The following MCPH1 variants were observed in gnomAD, a reference collection of about 807,000 sequenced individuals.
MCPH1 encodes microcephalin.
MCPH1 carries 104 observed loss-of-function variants against 84.5 expected under a neutral mutation model. The observed-to-expected ratio is 1.23, with a 90% CI of 1.05 to 1.45. MCPH1 has a LOEUF of 1.45. Ranked by LOEUF, MCPH1 falls within the 40% of genes most tolerant of loss-of-function variation. MCPH1 has a pLI of 0.00. For synonymous variants in MCPH1, 514 were observed against 366.8 expected (o/e 1.40, Z -4.58); for missense variants, 1,498 against 1,005.7 (o/e 1.49, Z -6.62).
chr8:6,639,270 C>G (rs1797770364), intron 13 of MCPH1, among the ~76,000 whole-genome samples: 1 of 152,258 alleles, frequency 6.6e-6, no homozygotes, highest in South Asian at 2.1e-4. Context: ...AAACAGTAGA[C>G]AAGTACACAG....
chr8:6,608,823 C>A (rs1830001791), intron 12 of MCPH1, among the ~76,000 whole-genome samples: 1 of 152,226 alleles, frequency 6.6e-6, no homozygotes, highest in African/African-American at 2.4e-5. Context: ...AGCCCATTAG[C>A]TTCACCTAGG....
At chr8:6,617,348 C>T (rs775159228) in intron 12 of MCPH1, 3 of 146,428 alleles carry the variant, frequency 2.0e-5, no homozygotes, top group Non-Finnish European at 3.0e-5. Flanking sequence ...GGCGCAATCT[C>T]GGCTCACTGC....
chr8:6,452,118 G>A (rs1397519365), intron 8 of MCPH1, among the ~76,000 whole-genome samples: 5 of 152,254 alleles, frequency 3.3e-5, no homozygotes, highest in South Asian at 4.2e-4. Context: ...CCCTTTCCTA[G>A]TATTTAAGTT....
intron 12 of MCPH1, among the ~76,000 whole-genome samples, chr8:6,580,548 G>A (rs1485730547): frequency 1.3e-5 from 2 of 152,226 alleles, no homozygotes; most frequent in East Asian, 1.9e-4. Context: ...CCAGCTACTC[G>A]GGAGGCTGAG....
intron 9 of MCPH1, among the ~76,000 whole-genome samples, chr8:6,463,343 C>A (rs1216973724): frequency 6.6e-6 from 1 of 152,166 alleles, no homozygotes; most frequent in Non-Finnish European, 1.5e-5. Context: ...GAACTGAGAT[C>A]TTTGTGAGCT....
chr8:6,624,749 G>A (rs887973864), intron 13 of MCPH1: 1 of 912,038 alleles, frequency 1.1e-6, no homozygotes, highest in Non-Finnish European at 1.3e-6. Flanking sequence ...AATAAAGGAA[G>A]GTTTATTTTT....
intron 9 of MCPH1, among the ~76,000 whole-genome samples, chr8:6,473,088 G>GA (rs1172958262): frequency 6.6e-6 from 1 of 152,030 alleles, no homozygotes; most frequent in Non-Finnish European, 1.5e-5. Flanking sequence ...CAATTATACA[G>GA]AAAAAAGAAT....
chr8:6,564,579 C>G (rs1409753840), intron 12 of MCPH1, among the ~76,000 whole-genome samples: 2 of 54,298 alleles, frequency 3.7e-5, no homozygotes, highest in African/African-American at 6.4e-5. Flanking sequence ...CCTGCCTTTG[C>G]TGCGGTTTAT....
At chr8:6,438,278 A>G (rs1458335492) in intron 5 of MCPH1, among the ~76,000 whole-genome samples, 2 of 152,214 alleles carry the variant, frequency 1.3e-5, no homozygotes, top group Admixed American at 6.5e-5. Flanking sequence ...GATTCAACTA[A>G]TGTACATTTG....
At chr8:6,486,021 C>T (rs1809865089) in intron 11 of MCPH1, among the ~76,000 whole-genome samples, 2 of 152,052 alleles carry the variant, frequency 1.3e-5, no homozygotes, top group African/African-American at 4.8e-5. Context: ...TTGCATGGCC[C>T]CCCTCCTTTA....
In MCPH1 at chr8:6,444,555, C is replaced by T. The variant is rs750528950; in HGVS notation, c.833C>T (p.Pro278Leu). ...VLKANNIHSS[P>L]SFTHLDKSSP... ...AAAGCAAATAATATTCATTCATCAC[C>T]ATCTTTCACTCACCTCGATAAATCA... is the stretch of plus-strand genomic sequence containing the variant. The change falls in exon 8 of 14, where the codon CCA (proline) becomes CTA (leucine). Residue 278 changes from proline to leucine, a missense_variant. Coordinates refer to ENST00000344683, the MANE Select transcript of MCPH1 (RefSeq NM_024596.5). The T allele has an allele frequency of 1.1e-5, 18 of 1,613,926 alleles. No homozygotes were observed. The East Asian group carries it at 3.1e-4, about 28-fold the overall frequency.
chr8:6,551,085 T>C (rs544594991), intron 12 of MCPH1, among the ~76,000 whole-genome samples: 1 of 152,328 alleles, frequency 6.6e-6, no homozygotes, highest in South Asian at 2.1e-4. Flanking sequence ...AGGGATTTCC[T>C]TGGGTGCTTA....
At chr8:6,622,633 G>A (rs924024528) in intron 13 of MCPH1, among the ~76,000 whole-genome samples, 1 of 152,220 alleles carries the variant, frequency 6.6e-6, no homozygotes, top group East Asian at 1.9e-4. Flanking sequence ...TCTGGAGGCT[G>A]GAAGTCTAAG....
At chr8:6,514,618 C>T in intron 12 of MCPH1, 4 of 1,481,854 alleles carry the variant, frequency 2.7e-6, no homozygotes, top group Admixed American at 1.7e-5. Context: ...TTCCGCAGAT[C>T]TTGAAAGCTA....
At chr8:6,602,338 G>C (rs1245693648) in intron 12 of MCPH1, among the ~76,000 whole-genome samples, 1 of 152,194 alleles carries the variant, frequency 6.6e-6, no homozygotes, top group Non-Finnish European at 1.5e-5. Context: ...CTATGGCAAT[G>C]ACATGGAGGG....
chr8:6,489,697 G>A (rs1403645330), intron 11 of MCPH1, among the ~76,000 whole-genome samples: 1 of 152,188 alleles, frequency 6.6e-6, no homozygotes, highest in South Asian at 2.1e-4. Flanking sequence ...GGCAGCGAAT[G>A]GGGCACTGTG....
intron 9 of MCPH1, among the ~76,000 whole-genome samples, chr8:6,464,814 A>G (rs2129557796): frequency 6.6e-6 from 1 of 152,326 alleles, no homozygotes; most frequent in Non-Finnish European, 1.5e-5. Context: ...CCTGGCCAAC[A>G]TGGGAAAACC....
At chr8:6,604,204 G>A (rs1463074882) in intron 12 of MCPH1, among the ~76,000 whole-genome samples, 2 of 52,032 alleles carry the variant, frequency 3.8e-5, no homozygotes, top group Non-Finnish European at 6.4e-5. Flanking sequence ...GCACTGGAAG[G>A]AGCCACAGCC....
chr8:6,473,030 A>G (rs1585976139), intron 9 of MCPH1, among the ~76,000 whole-genome samples: 1 of 152,190 alleles, frequency 6.6e-6, no homozygotes, highest in African/African-American at 2.4e-5. Flanking sequence ...GTCAATATAA[A>G]CCATAGAAGG....
Sources: gnomAD v4.1 joint callset for allele counts (sites outside exome capture counted in the v4.1 genomes callset) on GRCh38, gnomAD v4.1.1 for gene constraint, MANE v1.5 for transcripts, NCBI Gene and HGNC (gene_info 2026-07-23, HGNC 2026-07-21) for gene names.